Variants in SUN1 observed in about 807,000 individuals in gnomAD.
SUN1 encodes SUN domain-containing protein 1.
Under a neutral mutation model 103.2 loss-of-function variants are expected in SUN1, and 61 were observed. That is an observed-to-expected ratio of 0.59 (90% confidence interval 0.48 to 0.73). SUN1 has a LOEUF of 0.73. Among genes scored for constraint, SUN1 ranks in the 30% least tolerant of loss-of-function variants. SUN1 has a pLI of 0.00. For synonymous variants in SUN1, 490 were observed against 425.7 expected, an observed-to-expected ratio of 1.15 and a Z score of -1.86; for missense variants, 1,052 against 1,034.6, an observed-to-expected ratio of 1.02 and a Z score of -0.23.
chr7:850,209 A>G, intron 5 of SUN1: 1 of 647,596 alleles, frequency 1.5e-6, no homozygotes, highest in Non-Finnish European at 2.6e-6. Flanking sequence ...CCTTGTAAAT[A>G]TTTTTTGGAA....
intron 17 of SUN1, among the ~76,000 whole-genome samples, chr7:870,040 CAA>C (rs1185142510): frequency 1.6e-4 from 15 of 92,764 alleles, no homozygotes; most frequent in Non-Finnish European, 1.6e-4. Flanking sequence ...CTAAAATATA[CAA>C]AAAAAAAAAA....
chr7:829,736 A>G (rs571196229), upstream of SUN1, among the ~76,000 whole-genome samples: 3 of 151,882 alleles, frequency 2.0e-5, no homozygotes, highest in Non-Finnish European at 4.4e-5. Flanking sequence ...TTGTATTTTT[A>G]GTAAAGACGG....
upstream of SUN1, among the ~76,000 whole-genome samples, chr7:830,492 C>T (rs941428235): frequency 1.3e-5 from 2 of 152,162 alleles, no homozygotes; most frequent in Non-Finnish European, 2.9e-5. Flanking sequence ...ATGCATTTTA[C>T]TGGGGAACAT....
intron 1 of SUN1, among the ~76,000 whole-genome samples, chr7:821,694 C>T (rs1786185776): frequency 6.6e-6 from 1 of 152,168 alleles, no homozygotes; most frequent in Non-Finnish European, 1.5e-5. Flanking sequence ...TCAACCCTTG[C>T]CCTTACCGCA....
chr7:849,066 C>T (rs894453170), intron 5 of SUN1, among the ~76,000 whole-genome samples: 1 of 152,170 alleles, frequency 6.6e-6, no homozygotes, highest in Admixed American at 6.5e-5. Context: ...ATTCTCCTGC[C>T]TCAGCCTCCC....
At chr7:860,839 A>T (rs568220508) in intron 14 of SUN1, among the ~76,000 whole-genome samples, 22 of 152,338 alleles carry the variant, frequency 1.4e-4, no homozygotes, top group African/African-American at 5.3e-4. Flanking sequence ...ATGGCAGCAG[A>T]CAAGAGAGTG....
In SUN1 at chr7:851,679, G is replaced by C; in HGVS notation, c.757+197G>C. ...TGCATGAGCGCCCTTGGTTTCTCTGGGGTTGGGTCTGGGGGAAGTCCGGCT... is the reference window on the plus strand; with the variant it reads ...TGCATGAGCGCCCTTGGTTTCTCTGCGGTTGGGTCTGGGGGAAGTCCGGCT... On this transcript the variant is annotated intron_variant, in intron 6 of 18. Transcript: ENST00000401592. The C allele has an allele frequency of 4.5e-6, 3 of 659,604 alleles. 1 individual carries two copies. The highest frequency in any genetic ancestry group is 3.9e-5 in the South Asian group (2 of 51,692). The allele number at this position is 659,604 out of a possible 1,614,324, so 40.9% of individuals were successfully genotyped here.
intron 1 of SUN1, chr7:817,544 T>C (rs772248321): frequency 2.6e-6 from 4 of 1,532,890 alleles, no homozygotes; most frequent in Non-Finnish European, 2.6e-6. Flanking sequence ...TTGCAGCTTG[T>C]GGTTGCTGCG....
chr7:869,299 G>C, intron 16 of SUN1, 50 bp from the exon 17 acceptor site: 1 of 1,579,758 alleles, frequency 6.3e-7, no homozygotes, highest in Non-Finnish European at 8.6e-7. Flanking sequence ...GCTGCTAAGT[G>C]GGTAAGAGCA....
chr7:846,403 A>G (rs951612362), intron 5 of SUN1, among the ~76,000 whole-genome samples: 1 of 152,078 alleles, frequency 6.6e-6, no homozygotes, highest in African/African-American at 2.4e-5. Flanking sequence ...CACCATGCCC[A>G]GCCCAACACA....
intron 5 of SUN1, chr7:848,523 T>A (rs1439295084): frequency 1.5e-6 from 2 of 1,363,810 alleles, no homozygotes; most frequent in Non-Finnish European, 2.0e-6. Context: ...TTAATGAAGC[T>A]CAGTTATGAA....
At chr7:854,767 T>C (rs1408443048) in intron 10 of SUN1, among the ~76,000 whole-genome samples, 153 bp from the exon 11 acceptor site, 1 of 152,248 alleles carries the variant, frequency 6.6e-6, no homozygotes, top group African/African-American at 2.4e-5. Flanking sequence ...AGGATATTGT[T>C]ATGAAGCGGA....
chr7:832,392 T>C (rs1202074850), upstream of SUN1: 6 of 868,096 alleles, frequency 6.9e-6, no homozygotes, highest in East Asian at 2.7e-5. Context: ...CCTGTGAGTT[T>C]TGAGGGTGAC....
chr7:859,560 T>C lies in SUN1; in HGVS notation c.1525-568T>C, dbSNP rs371657999. ...AGGGGGTGTGGGCTAGAGAAGGGTGTGTCCACACGTGGAATGTGGGAGGGC... is the reference window on the plus strand; with the variant it reads ...AGGGGGTGTGGGCTAGAGAAGGGTGCGTCCACACGTGGAATGTGGGAGGGC... On this transcript the variant is annotated intron_variant, in intron 13 of 18. Transcript: ENST00000401592. Among the ~76,000 whole-genome samples the C allele has an allele frequency of 1.6e-4, 25 of 152,204 alleles. No homozygotes were observed. In the East Asian group the frequency reaches 3.9e-3, roughly 23 times the overall value.
In SUN1 at chr7:860,136, G is replaced by C; in HGVS notation, c.1533G>C (p.Val511=). The C allele has an allele frequency of 1.2e-6, 2 of 1,613,960 alleles. No individual in the cohort carries two copies. Among genetic ancestry groups the C allele is most frequent in the Admixed American group, 1.7e-5 (1 of 60,024 alleles). Residue 511 remains valine (V), a synonymous_variant, in exon 14 of 19, where the codon GTG becomes GTC. Coordinates refer to ENST00000401592, the MANE Select transcript of SUN1 (RefSeq NM_001130965.3). The part of the protein sequence containing the change: ...TVDAVQERVD[V]QVREMVKLLF... Reference sequence around the variant, plus strand: ...GTCTGCTGTTTTACTAGGTGGACGTGCAAGTCAGAGAAATGGTGAAACTCC... The same window carrying C: ...GTCTGCTGTTTTACTAGGTGGACGTCCAAGTCAGAGAAATGGTGAAACTCC...
At chr7:860,442 A>G in intron 14 of SUN1, 60 bp downstream of exon 14, 2 of 1,587,048 alleles carry the variant, frequency 1.3e-6, no homozygotes, top group Non-Finnish European at 1.7e-6. Context: ...GAGACTGAAG[A>G]CCTAGCTGTG....
At chr7:859,628 C>T (rs1038425855) in intron 13 of SUN1, among the ~76,000 whole-genome samples, 2 of 152,206 alleles carry the variant, frequency 1.3e-5, no homozygotes, top group African/African-American at 4.8e-5. Context: ...TTGCCCTCTC[C>T]TTCACGGTCT....
chr7:841,222 C>A (rs1282902249), intron 2 of SUN1, among the ~76,000 whole-genome samples: 1 of 149,332 alleles, frequency 6.7e-6, no homozygotes, highest in South Asian at 2.1e-4. Context: ...TGTGAGCCGC[C>A]GTACCTGGCC....
At chr7:843,702 T>C (rs1374534757) in intron 5 of SUN1, 182 bp downstream of exon 5, 2 of 1,439,342 alleles carry the variant, frequency 1.4e-6, no homozygotes. Flanking sequence ...ACATTTTATG[T>C]GGTTAGTAAT....
Sources: gnomAD v4.1 joint callset for allele counts (sites outside exome capture counted in the v4.1 genomes callset) on GRCh38, gnomAD v4.1.1 for gene constraint, MANE v1.5 for transcripts, NCBI Gene and HGNC (gene_info 2026-07-23, HGNC 2026-07-21) for gene names.